Variants in MIA2 observed in about 807,000 individuals in gnomAD.
MIA2 encodes MIA SH3 domain ER export factor 2.
In MIA2, 127 loss-of-function variants were observed where a neutral mutation model predicts 167.8. The observed-to-expected ratio is 0.76, with a 90% CI of 0.66 to 0.88. MIA2 has a LOEUF of 0.88. MIA2 is among the 40% of genes least tolerant of loss of function. The probability of loss-of-function intolerance (pLI) is 0.00; values close to 1 mark genes in which losing one functional copy is unlikely to be tolerated. For missense variants in MIA2, 1,690 were observed against 1,624.7 expected (o/e 1.04, Z -0.69); for synonymous variants, 552 against 541.9 (o/e 1.02, Z -0.26).
chr14:39,341,750 G>C (rs2071916943), intron 25 of MIA2, among the ~76,000 whole-genome samples: 1 of 152,076 alleles, frequency 6.6e-6, no homozygotes, highest in African/African-American at 2.4e-5. Flanking sequence ...GGGCATTGTT[G>C]AGCATCAGTT....
chr14:39,325,091 C>T (rs1415156776), intron 24 of MIA2, among the ~76,000 whole-genome samples: 1 of 152,010 alleles, frequency 6.6e-6, no homozygotes, highest in Non-Finnish European at 1.5e-5. Flanking sequence ...AGCGTGGTGG[C>T]ACATGCCTGT....
At chr14:39,307,390 ATTTTTTT>A (rs373046158) in intron 17 of MIA2, among the ~76,000 whole-genome samples, 8 of 67,484 alleles carry the variant, frequency 1.2e-4, no homozygotes, top group African/African-American at 2.9e-4. Flanking sequence ...AGTTAAAAGA[ATTTTTTT>A]TTTTTTTTTT....
intron 18 of MIA2, among the ~76,000 whole-genome samples, chr14:39,310,299 G>A (rs2064016420): frequency 6.6e-6 from 1 of 152,040 alleles, no homozygotes; most frequent in African/African-American, 2.4e-5. Context: ...GCTTTTTGCT[G>A]GTGATTTAGC....
At chr14:39,379,223 C>A (rs928211373) in intron 23 of MIA2, among the ~76,000 whole-genome samples, 1 of 151,970 alleles carries the variant, frequency 6.6e-6, no homozygotes, top group Non-Finnish European at 1.5e-5. Flanking sequence ...GCTGGTCTTG[C>A]ATTAGTGTAC....
At chr14:39,383,078 A>G (rs1265455677) in intron 23 of MIA2, among the ~76,000 whole-genome samples, 5 of 150,222 alleles carry the variant, frequency 3.3e-5, no homozygotes, top group African/African-American at 7.4e-5. Flanking sequence ...TGATATGACT[A>G]TTACCTGTAA....
intron 23 of MIA2, chr14:39,386,027 A>C: frequency 9.7e-7 from 1 of 1,034,066 alleles, no homozygotes; most frequent in Non-Finnish European, 1.5e-6. Context: ...TGTCATGACA[A>C]CTCTGGGCCC....
chr14:39,270,986 TCTTC>T lies in MIA2; in HGVS notation c.1888-5944_1888-5941del, dbSNP rs552713992. ...TTTTGATTAAGTCTAATTTATCTTT[TCTTC>T]CTTTGGTTGCTTGTGCTTTTGGTAT... On this transcript the variant is annotated intron_variant, in intron 6 of 28. Transcript: ENST00000640607. Among the ~76,000 whole-genome samples the T allele has an allele frequency of 1.1e-4, 16 of 152,366 alleles. 1 individual carries two copies. The East Asian group carries it at 2.5e-3, about 24-fold the overall frequency.
At chr14:39,293,100 C>T (rs2060950839) in intron 10 of MIA2, among the ~76,000 whole-genome samples, 171 bp from the exon 11 acceptor site, 1 of 152,166 alleles carries the variant, frequency 6.6e-6, no homozygotes, top group East Asian at 1.9e-4. Flanking sequence ...TGGCTCTTTA[C>T]AGAACTTTGC....
chr14:39,272,897 C>G, intron 6 of MIA2, among the ~76,000 whole-genome samples: 1 of 152,112 alleles, frequency 6.6e-6, no homozygotes, highest in Non-Finnish European at 1.5e-5. Flanking sequence ...TAATCTTATT[C>G]TTTTTGATGC....
chr14:39,358,115 G>A (rs2074577979), intron 23 of MIA2, among the ~76,000 whole-genome samples: 2 of 152,128 alleles, frequency 1.3e-5, no homozygotes, highest in African/African-American at 4.8e-5. Context: ...GCTAGACTGG[G>A]GAAGTTCTCC....
At chr14:39,280,226 C>T (rs1220889015) in intron 9 of MIA2, among the ~76,000 whole-genome samples, 1 of 151,874 alleles carries the variant, frequency 6.6e-6, no homozygotes, top group East Asian at 1.9e-4. Context: ...TTGTTTTTTG[C>T]CAATAACATG....
At chr14:39,348,604 G>A (rs1595900387) in intron 27 of MIA2, 139 bp from the exon 28 acceptor site, 4 of 1,264,170 alleles carry the variant, frequency 3.2e-6, no homozygotes, top group African/African-American at 3.0e-5. Flanking sequence ...GTGGAAAGCT[G>A]TTTGAATCTT....
chr14:39,294,888 TA>T, intron 12 of MIA2, 36 bp from the exon 13 acceptor site: 2 of 1,360,394 alleles, frequency 1.5e-6, no homozygotes, highest in Non-Finnish European at 2.1e-6. Context: ...TGTATTAAAT[TA>T]ATTGTTACAA....
intron 6 of MIA2, among the ~76,000 whole-genome samples, chr14:39,254,179 A>C (rs1331243720): frequency 1.3e-5 from 2 of 152,112 alleles, no homozygotes; most frequent in Non-Finnish European, 2.9e-5. Context: ...ATTTTGAAGG[A>C]AGAGTAGGAG....
intron 6 of MIA2, among the ~76,000 whole-genome samples, chr14:39,265,100 AGAGGGTAGT>A (rs1479242031): frequency 6.6e-6 from 1 of 152,120 alleles, no homozygotes; most frequent in African/African-American, 2.4e-5. Context: ...ATAGATTGTA[AGAGGGTAGT>A]AATATGTACA....
At chr14:39,295,450 C>T (rs919561997) in intron 13 of MIA2, among the ~76,000 whole-genome samples, 1 of 152,162 alleles carries the variant, frequency 6.6e-6, no homozygotes, top group Non-Finnish European at 1.5e-5. Flanking sequence ...ATTTCTTCTT[C>T]TCCTTTGCCA....
At chr14:39,265,176 T>TAC (rs2055401838) in intron 6 of MIA2, 1 of 480,828 alleles carries the variant, frequency 2.1e-6, no homozygotes, top group Admixed American at 4.1e-5. Flanking sequence ...TATATATATA[T>TAC]ACTTAACAAC....
In MIA2 at chr14:39,247,436, C is replaced by T; in HGVS notation, c.862C>T (p.Pro288Ser). The change falls in exon 4 of 29, where the codon CCA becomes TCA. Residue 288 changes from proline to serine, a missense_variant. Physicochemically the swap from Pro to Ser is moderately conservative, Grantham distance 74. Coordinates refer to ENST00000640607, the MANE Select transcript of MIA2 (RefSeq NM_001329214.4). ...ATCTGAATCAGAAATTGATTCAGTG[C>T]CAAAGACACAGTCTGAACTAGCATC... ...QESESEIDSV[P>S]KTQSELASES... is the part of the protein sequence containing the mutation. 6.2e-7 allele frequency: 1 copy of T among 1,613,952 alleles called. No individual in the cohort carries two copies. The highest frequency in any genetic ancestry group is 8.5e-7 in the Non-Finnish European group (1 of 1,179,954).
intron 6 of MIA2, among the ~76,000 whole-genome samples, chr14:39,265,010 T>G (rs1300177740): frequency 6.6e-6 from 1 of 152,234 alleles, no homozygotes; most frequent in East Asian, 1.9e-4. Context: ...ATAGAGATCA[T>G]GTACTCTATA....
Sources: gnomAD v4.1 joint callset for allele counts (sites outside exome capture counted in the v4.1 genomes callset) on GRCh38, gnomAD v4.1.1 for gene constraint, MANE v1.5 for transcripts, NCBI Gene and HGNC (gene_info 2026-07-23, HGNC 2026-07-21) for gene names.